Variants in NLGN4X observed in about 807,000 individuals in gnomAD.
NLGN4X encodes the protein neuroligin-4, X-linked.
Under a neutral mutation model 40.3 loss-of-function variants are expected in NLGN4X, and 3 were observed. The observed-to-expected ratio is 0.07, with a 90% CI of 0.03 to 0.19. NLGN4X has a LOEUF of 0.19. Ranked by LOEUF, NLGN4X falls within the 10% of genes least tolerant of loss-of-function variation. NLGN4X has a pLI of 1.00. For synonymous variants in NLGN4X, 270 were observed against 306.8 expected, an observed-to-expected ratio of 0.88 and a Z score of 1.25; for missense variants, 382 against 708.3, an observed-to-expected ratio of 0.54 and a Z score of 5.23.
intron 3 of NLGN4X, among the ~76,000 whole-genome samples, chrX:5,937,651 G>A (rs1379448443): frequency 1.8e-5 from 2 of 111,626 alleles, no homozygotes; most frequent in Non-Finnish European, 3.8e-5. Context: ...GATCTGGGAT[G>A]CTTTTGCTTA....
At chrX:6,084,448 T>A (rs141654069) in intron 2 of NLGN4X, among the ~76,000 whole-genome samples, 11,369 of 110,274 alleles carry the variant, frequency 0.1, 547 homozygotes, top group Admixed American at 0.16. Flanking sequence ...ACTTGGGAGG[T>A]GGAAAACTGT....
rs1344605826 is a variant in NLGN4X at position 5,898,894 on chromosome X, G to A, written c.1601+4183C>T. ...CAGTTTGGTTCATTCTCTGCACCTG[G>A]TGACCAGGGAATCCTTCTCTGCCCT... On this transcript the variant is annotated intron_variant, in intron 5 of 5. Transcript: ENST00000381095. Among the ~76,000 whole-genome samples, 5 of 111,828 alleles carry A rather than the reference G, an allele frequency of 4.5e-5. No homozygotes were observed. The East Asian group carries it at 1.1e-3, about 25-fold the overall frequency.
chrX:6,224,118 G>T (rs1925941717), intron 1 of NLGN4X, among the ~76,000 whole-genome samples: 1 of 112,427 alleles, frequency 8.9e-6, no homozygotes, highest in Non-Finnish European at 1.9e-5. Context: ...AACCAGATAA[G>T]CCTATCTTTA....
chrX:5,988,818 A>C (rs2035598932), intron 3 of NLGN4X, among the ~76,000 whole-genome samples: 1 of 112,266 alleles, frequency 8.9e-6, no homozygotes, highest in Non-Finnish European at 1.9e-5. Context: ...TAATCCCAGC[A>C]CTTTGGGAGG....
chrX:6,028,716 A>G (rs778405923), intron 3 of NLGN4X, among the ~76,000 whole-genome samples: 59 of 111,769 alleles, frequency 5.3e-4, no homozygotes, highest in African/African-American at 1.7e-3. Context: ...ACAAGGAGGA[A>G]CTAAACTTGA....
chrX:6,220,009 C>CTT (rs1316308968), intron 1 of NLGN4X, among the ~76,000 whole-genome samples: 1 of 99,377 alleles, frequency 1.0e-5, no homozygotes. Context: ...CACCTGTGAG[C>CTT]TTTTTTTTTT....
chrX:6,198,217 C>T (rs942643257), intron 1 of NLGN4X, among the ~76,000 whole-genome samples: 4 of 111,686 alleles, frequency 3.6e-5, no homozygotes, highest in Admixed American at 2.9e-4. Flanking sequence ...AATGACGTTT[C>T]GAATAAGCCT....
intron 1 of NLGN4X, among the ~76,000 whole-genome samples, chrX:6,171,214 C>T (rs1310018652): frequency 8.9e-6 from 1 of 112,139 alleles, no homozygotes; most frequent in Non-Finnish European, 1.9e-5. Flanking sequence ...ATTGAATTGC[C>T]TCCTGTTTTA....
At chrX:6,197,427 A>ATTTTTTTTTTT (rs72412595) in intron 1 of NLGN4X, among the ~76,000 whole-genome samples, 1 of 79,467 alleles carries the variant, frequency 1.3e-5, no homozygotes, top group Non-Finnish European at 2.8e-5. Flanking sequence ...ATGCTCAGCT[A>ATTTTTTTTTTT]TTTTTTTTTT....
chrX:5,966,565 C>T lies in NLGN4X; in HGVS notation c.626-57326G>A, dbSNP rs190718901. On this transcript the variant is annotated intron_variant, in intron 3 of 5. Transcript: ENST00000381095. ...AACAATGAAAAGTAGTGTTTTACCT[C>T]GTACCACTTTGCCTGTTATTATTAG... is the stretch of plus-strand genomic sequence containing the variant. Among the ~76,000 whole-genome samples, 101 of 112,515 alleles carry T rather than the reference C, an allele frequency of 9.0e-4. 1 individual carries two copies. The Admixed American group carries it at 9.5e-3, about 11-fold the overall frequency.
chrX:6,061,321 A>G (rs2037763465), intron 2 of NLGN4X, among the ~76,000 whole-genome samples: 1 of 110,537 alleles, frequency 9.0e-6, no homozygotes, highest in Admixed American at 9.7e-5. Context: ...GTAGCACACT[A>G]TACACTGTAC....
chrX:6,144,423 CA>C (rs1361829244), intron 2 of NLGN4X, among the ~76,000 whole-genome samples: 1 of 111,482 alleles, frequency 9.0e-6, no homozygotes, highest in African/African-American at 3.3e-5. Flanking sequence ...ACCACTAAGA[CA>C]AATCTCCACA....
At chrX:5,954,380 T>C (rs947600024) in intron 3 of NLGN4X, among the ~76,000 whole-genome samples, 10 of 95,024 alleles carry the variant, frequency 1.1e-4, no homozygotes, top group Non-Finnish European at 2.1e-4. Flanking sequence ...GGCACCAGCA[T>C]GCTTGGCTAA....
In NLGN4X at chrX:6,150,602, C is replaced by T. The variant is rs984027295; in HGVS notation, c.472+393G>A. Among the ~76,000 whole-genome samples the T allele has an allele frequency of 7.1e-5, 8 of 111,994 alleles. No individual in the cohort carries two copies. The Admixed American group carries it at 7.6e-4, about 11-fold the overall frequency. ...AGAAAGAACCATTTTCTCTATCTTT[C>T]AGTTTGCAAACTGGAGCATAATAGT... On this transcript the variant is annotated intron_variant, in intron 2 of 5. Coordinates refer to ENST00000381095, the MANE Select transcript of NLGN4X (RefSeq NM_181332.3).
chrX:6,037,877 C>T lies in NLGN4X; in HGVS notation c.473-8445G>A, dbSNP rs1223739103. ...TAATCTTCTAATCCAATGCAATATC[C>T]CCAGCTCTCGGCAGCAAGGAAGTGA... On this transcript the variant is annotated intron_variant, in intron 2 of 5. Coordinates refer to ENST00000381095, the MANE Select transcript of NLGN4X (RefSeq NM_181332.3). 8.1e-5 allele frequency among the ~76,000 whole-genome samples: 9 copies of T among 111,245 alleles called. No homozygotes were observed. The Admixed American group carries it at 8.6e-4, about 11-fold the overall frequency.
At chrX:6,089,533 A>G (rs1411258407) in intron 2 of NLGN4X, among the ~76,000 whole-genome samples, 1 of 112,631 alleles carries the variant, frequency 8.9e-6, no homozygotes, top group Admixed American at 9.4e-5. Flanking sequence ...CTTGAGGTGC[A>G]TGTAATTAAC....
intron 2 of NLGN4X, among the ~76,000 whole-genome samples, chrX:6,123,009 T>A (rs1175100309): frequency 8.4e-5 from 9 of 106,938 alleles, no homozygotes; most frequent in African/African-American, 3.1e-4. Flanking sequence ...TTACCAGTCC[T>A]ATAAAAAAAA....
chrX:5,927,370 G>A (rs1400824606), intron 3 of NLGN4X, among the ~76,000 whole-genome samples: 2 of 111,890 alleles, frequency 1.8e-5, no homozygotes, highest in African/African-American at 6.5e-5. Flanking sequence ...TCTCAGAAAC[G>A]ACTGGGAGCA....
At chrX:6,093,995 A>G (rs1383068664) in intron 2 of NLGN4X, among the ~76,000 whole-genome samples, 2 of 112,034 alleles carry the variant, frequency 1.8e-5, no homozygotes, top group Non-Finnish European at 3.8e-5. Context: ...AATAGGAAAA[A>G]CAGATGCCAT....
Sources: allele counts gnomAD v4.1 joint callset (sites outside exome capture counted in the v4.1 genomes callset), GRCh38; gene constraint gnomAD v4.1.1; transcripts MANE v1.5; gene names NCBI Gene and HGNC (gene_info 2026-07-23, HGNC 2026-07-21).